Variants in ACTR3C observed in about 807,000 individuals in gnomAD.
ACTR3C encodes the protein actin-related protein 3C.
Under a neutral mutation model 26.3 loss-of-function variants are expected in ACTR3C, and 18 were observed. The ratio of observed to expected loss-of-function variants is 0.68; its 90% CI spans 0.47 to 1.01. ACTR3C has a LOEUF of 1.01. ACTR3C is among the 50% of genes least tolerant of loss of function. The pLI is 0.00. For synonymous variants in ACTR3C, 55 were observed against 94.5 expected, an observed-to-expected ratio of 0.58 and a Z score of 2.42; for missense variants, 184 against 250.7, an observed-to-expected ratio of 0.73 and a Z score of 1.80.
chr7:150,108,121 A>G, the ACTR3C span, among the ~76,000 whole-genome samples: 1 of 150,342 alleles, frequency 6.7e-6, no homozygotes, highest in African/African-American at 2.5e-5. Flanking sequence ...GCTGGAGAGG[A>G]GAACAGCAGG....
chr7:150,283,009 C>G (rs1337004426), intron 6 of ACTR3C, among the ~76,000 whole-genome samples: 1 of 145,348 alleles, frequency 6.9e-6, no homozygotes, highest in Non-Finnish European at 1.5e-5. Flanking sequence ...ATAACCCAGG[C>G]GCCTTTCGCC....
the ACTR3C span, among the ~76,000 whole-genome samples, chr7:149,954,690 T>C: frequency 6.6e-6 from 1 of 152,256 alleles, no homozygotes; most frequent in Admixed American, 6.5e-5. Context: ...CTATCACTTA[T>C]TTAAGCCACT....
chr7:150,077,680 T>C, the ACTR3C span, among the ~76,000 whole-genome samples: 2 of 152,330 alleles, frequency 1.3e-5, no homozygotes, highest in Admixed American at 1.3e-4. Context: ...GTACTGATCC[T>C]TGGGTTAGAA....
At chr7:150,012,639 T>G in the ACTR3C span, among the ~76,000 whole-genome samples, 7 of 150,620 alleles carry the variant, frequency 4.6e-5, no homozygotes, top group Non-Finnish European at 1.0e-4. Context: ...TAAGGAGCCA[T>G]GATATTTGTT....
chr7:149,938,956 A>AG, the ACTR3C span, among the ~76,000 whole-genome samples: 1 of 144,906 alleles, frequency 6.9e-6, no homozygotes, highest in South Asian at 2.1e-4. Flanking sequence ...TATATATATA[A>AG]AAATATATTA....
the ACTR3C span, among the ~76,000 whole-genome samples, chr7:150,082,736 CAT>C: frequency 1.3e-5 from 2 of 152,064 alleles, no homozygotes; most frequent in African/African-American, 4.8e-5. Context: ...ATAAAATAAA[CAT>C]AACCTTTATG....
At chr7:149,900,177 T>G in the ACTR3C span, among the ~76,000 whole-genome samples, 1 of 151,590 alleles carries the variant, frequency 6.6e-6, no homozygotes, top group African/African-American at 2.4e-5. Flanking sequence ...TTGTTTTTGT[T>G]TTTTTGGTTT....
the ACTR3C span, among the ~76,000 whole-genome samples, chr7:149,936,862 C>G: frequency 6.6e-6 from 1 of 151,790 alleles, no homozygotes; most frequent in African/African-American, 2.4e-5. Flanking sequence ...GATCAGGGCT[C>G]ACTGCCGCCT....
chr7:149,973,625 T>C, the ACTR3C span, among the ~76,000 whole-genome samples: 5 of 152,146 alleles, frequency 3.3e-5, no homozygotes, highest in African/African-American at 1.2e-4. Flanking sequence ...ATGTAATTAA[T>C]TGATATTGGT....
the ACTR3C span, among the ~76,000 whole-genome samples, chr7:150,089,430 C>T: frequency 4.6e-5 from 7 of 152,202 alleles, no homozygotes; most frequent in South Asian, 1.2e-3. Flanking sequence ...CATTACTCTC[C>T]ATCCCAAGAG....
the ACTR3C span, among the ~76,000 whole-genome samples, chr7:150,064,516 G>A: frequency 6.7e-6 from 1 of 149,860 alleles, no homozygotes; most frequent in East Asian, 2.0e-4. Flanking sequence ...AGTACACTGA[G>A]ATCACACCCA....
At chr7:149,985,681 A>G in the ACTR3C span, among the ~76,000 whole-genome samples, 4 of 152,306 alleles carry the variant, frequency 2.6e-5, no homozygotes, top group Admixed American at 6.5e-5. Flanking sequence ...AGTGCCATCA[A>G]TGATGGAGCT....
At chr7:150,060,530 T>C in the ACTR3C span, among the ~76,000 whole-genome samples, 1 of 152,158 alleles carries the variant, frequency 6.6e-6, no homozygotes, top group Non-Finnish European at 1.5e-5. Context: ...TTACAGTTTT[T>C]GATTTGTATA....
the ACTR3C span, among the ~76,000 whole-genome samples, chr7:150,198,273 G>A: frequency 6.7e-6 from 1 of 149,284 alleles, no homozygotes; most frequent in Non-Finnish European, 1.5e-5. Context: ...CACCCCGTCT[G>A]GGAAGTGAGG....
the ACTR3C span, among the ~76,000 whole-genome samples, chr7:149,883,268 GGGGTTT>G: frequency 2.4e-4 from 37 of 152,306 alleles, no homozygotes; most frequent in African/African-American, 6.7e-4. Flanking sequence ...TCTTGGTGCA[GGGGTTT>G]GGACACAGTC....
chr7:150,104,359 C>T, the ACTR3C span, among the ~76,000 whole-genome samples: 1 of 151,958 alleles, frequency 6.6e-6, no homozygotes, highest in Non-Finnish European at 1.5e-5. Flanking sequence ...TAATAAAAAC[C>T]TCCAAGAAAT....
chr7:150,119,877 G>A, the ACTR3C span, among the ~76,000 whole-genome samples: 2 of 151,994 alleles, frequency 1.3e-5, no homozygotes, highest in African/African-American at 4.8e-5. Context: ...AAATTAAAGC[G>A]AACAGTCTCT....
At chr7:149,974,094 G>C in the ACTR3C span, among the ~76,000 whole-genome samples, 1 of 100,560 alleles carries the variant, frequency 9.9e-6, no homozygotes, top group Non-Finnish European at 2.0e-5. Flanking sequence ...AGCGCTCAAA[G>C]TTCATAAGTC....
the ACTR3C span, among the ~76,000 whole-genome samples, chr7:150,047,218 G>T: frequency 6.6e-6 from 1 of 151,768 alleles, no homozygotes; most frequent in African/African-American, 2.4e-5. Flanking sequence ...TGTTCCCGGA[G>T]CACGAAATAA....
Sources: gnomAD v4.1 joint callset for allele counts (sites outside exome capture counted in the v4.1 genomes callset) on GRCh38, gnomAD v4.1.1 for gene constraint, MANE v1.5 for transcripts, NCBI Gene and HGNC (gene_info 2026-07-23, HGNC 2026-07-21) for gene names.